NELL1: variants seen among roughly 807,000 people sequenced by gnomAD.
NELL1 encodes protein kinase C-binding protein NELL1.
A neutral mutation model predicts 107.4 loss-of-function variants in NELL1; 76 were observed. That is an observed-to-expected ratio of 0.71 (90% CI 0.59 to 0.86). The LOEUF (loss-of-function observed/expected upper bound fraction) is 0.86. Ranked by LOEUF, NELL1 falls within the 40% of genes least tolerant of loss-of-function variation. The pLI, the probability that NELL1 is intolerant of heterozygous loss-of-function variation, is 0.00. For synonymous variants in NELL1, 353 were observed against 341.2 expected, an observed-to-expected ratio of 1.03 and a Z score of -0.38; for missense variants, 1,024 against 1,005.5, an observed-to-expected ratio of 1.02 and a Z score of -0.25.
chr11:20,685,725 T>A (rs998911167), intron 2 of NELL1, among the ~76,000 whole-genome samples: 1 of 152,224 alleles, frequency 6.6e-6, no homozygotes, highest in Admixed American at 6.6e-5. Flanking sequence ...TAGCTTTGGC[T>A]TTTTTTCCCT....
chr11:20,672,513 C>T (rs1202488175), intron 1 of NELL1, among the ~76,000 whole-genome samples: 1 of 152,170 alleles, frequency 6.6e-6, no homozygotes. Context: ...CTGCCTTGTT[C>T]AGAGAACTTG....
chr11:20,686,936 T>A (rs1473434605), intron 2 of NELL1, among the ~76,000 whole-genome samples: 1 of 151,626 alleles, frequency 6.6e-6, no homozygotes, highest in East Asian at 1.9e-4. Context: ...GCTTCAGTTT[T>A]TTTTTTTTTT....
chr11:21,291,246 T>A (rs185010522), intron 14 of NELL1, among the ~76,000 whole-genome samples: 5 of 152,238 alleles, frequency 3.3e-5, no homozygotes, highest in Admixed American at 3.3e-4. Flanking sequence ...GATATCATTA[T>A]TAACGATATA....
intron 2 of NELL1, among the ~76,000 whole-genome samples, chr11:20,730,587 A>G (rs953149074): frequency 1.3e-5 from 2 of 152,144 alleles, no homozygotes; most frequent in Admixed American, 6.6e-5. Context: ...CACTCCTACC[A>G]TAGTAGAGGA....
At chr11:21,130,692 T>C (rs1472228448) in intron 13 of NELL1, among the ~76,000 whole-genome samples, 1 of 152,228 alleles carries the variant, frequency 6.6e-6, no homozygotes, top group Non-Finnish European at 1.5e-5. Context: ...ATTAGAGCCA[T>C]GACCTTTTGG....
chr11:21,547,571 T>C (rs75510831), intron 16 of NELL1, among the ~76,000 whole-genome samples: 2,087 of 152,048 alleles, frequency 0.014, 41 homozygotes, highest in East Asian at 0.077. Context: ...ATTTTTAATA[T>C]GACACATAAT....
chr11:21,170,285 A>C (rs889649949), intron 13 of NELL1: 2 of 246,716 alleles, frequency 8.1e-6, no homozygotes, highest in Non-Finnish European at 1.5e-5. Context: ...ATTTTCTTTC[A>C]TGTAGCTCTC....
In NELL1 at chr11:20,947,170, G is replaced by T. The variant is rs961478514; in HGVS notation, c.1072-166G>T. On this transcript the variant is annotated intron_variant, in intron 10 of 19. Coordinates refer to ENST00000357134, the MANE Select transcript of NELL1 (RefSeq NM_006157.5). ...GGGAAATTTACCTTATATTCCAGGG[G>T]TCTCATTAATTTAATTTGTGGCATT... Among the ~76,000 whole-genome samples, 4 of 152,034 alleles carry T rather than the reference G, an allele frequency of 2.6e-5. No individual in the cohort carries two copies. The South Asian group carries it at 6.2e-4, about 24-fold the overall frequency.
At chr11:20,713,307 G>C (rs1020442253) in intron 2 of NELL1, among the ~76,000 whole-genome samples, 1 of 152,126 alleles carries the variant, frequency 6.6e-6, no homozygotes, top group African/African-American at 2.4e-5. Flanking sequence ...GGCAGGTCTG[G>C]GCTCAGACTC....
At chr11:20,830,961 A>G (rs2134036757) in intron 3 of NELL1, among the ~76,000 whole-genome samples, 1 of 152,236 alleles carries the variant, frequency 6.6e-6, no homozygotes, top group Admixed American at 6.5e-5. Flanking sequence ...TTTGGTGGGG[A>G]CAAACCATAT....
intron 14 of NELL1, among the ~76,000 whole-genome samples, chr11:21,259,223 A>G (rs1462794061): frequency 1.3e-5 from 2 of 151,884 alleles, no homozygotes; most frequent in African/African-American, 4.8e-5. Flanking sequence ...ACCCTTGAGG[A>G]TGTTATAATC....
chr11:20,979,709 G>A (rs1851711219), intron 12 of NELL1, among the ~76,000 whole-genome samples: 1 of 152,090 alleles, frequency 6.6e-6, no homozygotes, highest in Non-Finnish European at 1.5e-5. Context: ...AGAGTGATAG[G>A]CCGTGTTCAT....
intron 15 of NELL1, among the ~76,000 whole-genome samples, chr11:21,433,903 G>A (rs1169801166): frequency 5.3e-5 from 8 of 152,072 alleles, no homozygotes; most frequent in East Asian, 3.9e-4. Context: ...TCGAACTCCC[G>A]GCCTCAGGTG....
At chr11:20,789,331 G>A (rs1857030551) in intron 3 of NELL1, among the ~76,000 whole-genome samples, 1 of 152,202 alleles carries the variant, frequency 6.6e-6, no homozygotes, top group Non-Finnish European at 1.5e-5. Context: ...CCACGGGGTG[G>A]GCAGCTCCAG....
intron 2 of NELL1, among the ~76,000 whole-genome samples, chr11:20,714,033 G>A (rs973206625): frequency 3.3e-5 from 5 of 151,700 alleles, no homozygotes; most frequent in Admixed American, 6.6e-5. Flanking sequence ...AGTTTGCTTC[G>A]TGTGCCACTT....
intron 12 of NELL1, among the ~76,000 whole-genome samples, chr11:21,062,473 G>A (rs1853764893): frequency 6.6e-6 from 1 of 152,272 alleles, no homozygotes; most frequent in South Asian, 2.1e-4. Flanking sequence ...CTATTAACTA[G>A]AAAGCTTTTG....
chr11:21,004,349 A>G (rs1237429166), intron 12 of NELL1, among the ~76,000 whole-genome samples: 4 of 152,104 alleles, frequency 2.6e-5, no homozygotes, highest in Non-Finnish European at 5.9e-5. Flanking sequence ...ATTATAATAA[A>G]CATTTTTATA....
At chr11:21,145,987 C>G (rs1042197366) in intron 13 of NELL1, among the ~76,000 whole-genome samples, 2 of 152,178 alleles carry the variant, frequency 1.3e-5, no homozygotes, top group African/African-American at 4.8e-5. Flanking sequence ...GGTTGAGAGA[C>G]TGTGTGCCCT....
chr11:20,908,841 A>T (rs574361687), intron 5 of NELL1, among the ~76,000 whole-genome samples: 1 of 152,324 alleles, frequency 6.6e-6, no homozygotes, highest in Admixed American at 6.5e-5. Context: ...TAGGTAAAAG[A>T]ATTGAAAACA....
Sources: gnomAD v4.1 joint callset for allele counts (sites outside exome capture counted in the v4.1 genomes callset) on GRCh38, gnomAD v4.1.1 for gene constraint, MANE v1.5 for transcripts, NCBI Gene and HGNC (gene_info 2026-07-23, HGNC 2026-07-21) for gene names.